Variants in SLC13A2 observed in about 807,000 individuals in gnomAD.
SLC13A2 encodes the protein solute carrier family 13 member 2.
A neutral mutation model predicts 58.5 loss-of-function variants in SLC13A2; 40 were observed. The observed-to-expected ratio is 0.68, with a 90% CI of 0.53 to 0.89. The LOEUF (loss-of-function observed/expected upper bound fraction) is 0.89, where lower values mean the gene tolerates loss of function less well. Ranked by LOEUF, SLC13A2 falls within the 40% of genes least tolerant of loss-of-function variation. The probability of loss-of-function intolerance (pLI) is 0.00; values close to 1 mark genes in which losing one functional copy is unlikely to be tolerated. For missense variants in SLC13A2, 694 were observed against 772.6 expected (o/e 0.90, Z 1.21); for synonymous variants, 341 against 331.6 (o/e 1.03, Z -0.31).
Position 28,493,800 on chromosome 17 carries a change from C to T in SLC13A2, c.1097+11C>T. The T allele has an allele frequency of 1.2e-6, 2 of 1,613,816 alleles. No homozygotes were observed. The highest frequency in any genetic ancestry group is 1.7e-6 in the Non-Finnish European group (2 of 1,179,880). ...TGCCAAGGGGGAGAGGTGAGAGTTG[C>T]AGGGGTTGGGAGGAGGACACATCTG... On this transcript the variant is annotated intron_variant, in intron 7 of 11. Transcript: ENST00000314669.
At chr17:28,493,935 C>T (rs1255108782) in intron 7 of SLC13A2, 82 bp from the exon 8 acceptor site, 10 of 1,490,294 alleles carry the variant, frequency 6.7e-6, no homozygotes, top group Non-Finnish European at 9.3e-6. Flanking sequence ...GGGAGAGGCT[C>T]ATCTCCACCA....
intron 1 of SLC13A2, among the ~76,000 whole-genome samples, chr17:28,481,960 T>G (rs1318814440): frequency 6.6e-6 from 1 of 151,736 alleles, no homozygotes; most frequent in South Asian, 2.1e-4. Context: ...CTTTTCATAT[T>G]TTAATAGCTG....
chr17:28,475,076 C>G (rs1274326787), intron 1 of SLC13A2, among the ~76,000 whole-genome samples: 1 of 152,232 alleles, frequency 6.6e-6, no homozygotes, highest in East Asian at 1.9e-4. Flanking sequence ...AGGGACCCAT[C>G]AGATGGGTTT....
rs782742132 is a variant in SLC13A2 at position 28,496,705 on chromosome 17, C to G, written c.1608+118C>G. On this transcript the variant is annotated intron_variant, in intron 11 of 11. Coordinates refer to ENST00000314669, the MANE Select transcript of SLC13A2 (RefSeq NM_003984.4). The surrounding 1 kb of genome is among the most constrained non-coding windows in gnomAD (Gnocchi z 4.2). Reference sequence around the variant, plus strand: ...GTCTCAGAGTTGAGCGGGTCCTCATCTGGAATGAAGGTGCAGTTGGGGAGG... The same window carrying G: ...GTCTCAGAGTTGAGCGGGTCCTCATGTGGAATGAAGGTGCAGTTGGGGAGG... 7.8e-6 allele frequency: 11 copies of G among 1,402,596 alleles called. No individual in the cohort carries two copies. The highest frequency in any genetic ancestry group is 1.1e-5 in the Non-Finnish European group (11 of 1,043,530). 86.9% of individuals were successfully genotyped at this position (1,402,596 alleles called of 1,614,324 possible). A position where few individuals can be genotyped will look rare whatever the true frequency, so the allele number is the denominator to read the frequency against.
At chr17:28,480,983 G>A (rs2068774314) in intron 1 of SLC13A2, among the ~76,000 whole-genome samples, 1 of 152,148 alleles carries the variant, frequency 6.6e-6, no homozygotes, top group African/African-American at 2.4e-5. Context: ...AGCCTCAAAG[G>A]CCAGGGGGAT....
In SLC13A2 at chr17:28,493,580, G is replaced by T; in HGVS notation, c.888G>T (p.Lys296Asn). The part of the protein sequence containing the change: ...QILFLGFNFR[K>N]NFGIGEKMQE... ...GTCCCTCTGCCTGCAGCTTCCGGAA[G>T]AACTTTGGCATTGGGGAAAAGATGC... is the stretch of plus-strand genomic sequence containing the variant. The change falls in exon 7 of 12, where the codon AAG (lysine) becomes AAT (asparagine). Residue 296 changes from lysine to asparagine, a missense_variant. Transcript: ENST00000314669. 6.2e-7 allele frequency: 1 copy of T among 1,603,776 alleles called. No homozygotes were observed. Among genetic ancestry groups the T allele is most frequent in the Non-Finnish European group, 8.5e-7 (1 of 1,172,148 alleles).
intron 2 of SLC13A2, 39 bp downstream of exon 2, chr17:28,489,381 C>T (rs782663654): frequency 1.3e-6 from 2 of 1,577,630 alleles, no homozygotes; most frequent in East Asian, 2.3e-5. Flanking sequence ...CTGGGCAGTG[C>T]GGGAGGCCAG....
At chr17:28,493,911 C>A in intron 7 of SLC13A2, 106 bp from the exon 8 acceptor site, 1 of 1,474,008 alleles carries the variant, frequency 6.8e-7, no homozygotes, top group Admixed American at 1.7e-5. Flanking sequence ...TGAAGGTTCC[C>A]CAGGCTTGTC....
chr17:28,473,867 T>C, intron 1 of SLC13A2, 53 bp downstream of exon 1: 1 of 1,515,828 alleles, frequency 6.6e-7, no homozygotes, highest in Non-Finnish European at 9.1e-7. Flanking sequence ...GAGGAGGGAC[T>C]GTCTGGGCCG....
chr17:28,496,664 C>T lies in SLC13A2; in HGVS notation c.1608+77C>T. The T allele has an allele frequency of 6.5e-7, 1 of 1,529,122 alleles. No homozygotes were observed. Among genetic ancestry groups the T allele is most frequent in the Non-Finnish European group, 8.8e-7 (1 of 1,130,426 alleles). 94.7% of individuals were successfully genotyped at this position (1,529,122 alleles called of 1,614,324 possible). On this transcript the variant is annotated intron_variant, in intron 11 of 11. Transcript: ENST00000314669. The surrounding 1 kb of genome is among the most constrained non-coding windows in gnomAD (Gnocchi z 4.2). ...TTCATCTTAGTGAACCACAAAGCAGCTTAAAGCCACTGAGAGTCTCAGAGT... is the reference window on the plus strand; with the variant it reads ...TTCATCTTAGTGAACCACAAAGCAGTTTAAAGCCACTGAGAGTCTCAGAGT...
intron 1 of SLC13A2, among the ~76,000 whole-genome samples, chr17:28,484,297 C>A (rs1164298239): frequency 2.0e-5 from 3 of 152,138 alleles, no homozygotes; most frequent in African/African-American, 7.2e-5. Flanking sequence ...TGGAAGCCAG[C>A]CTGAAAAATC....
At chr17:28,484,579 G>A (rs1207682380) in intron 1 of SLC13A2, among the ~76,000 whole-genome samples, 1 of 152,228 alleles carries the variant, frequency 6.6e-6, no homozygotes, top group African/African-American at 2.4e-5. Flanking sequence ...AGATGAGTGT[G>A]TGTGTGTGCT....
intron 1 of SLC13A2, among the ~76,000 whole-genome samples, chr17:28,488,117 A>T (rs1287525169): frequency 6.6e-6 from 1 of 152,152 alleles, no homozygotes. Flanking sequence ...CACAAAAATG[A>T]CAATACTAAG....
chr17:28,490,248 T>A (rs782293830), intron 2 of SLC13A2: 50 of 1,468,156 alleles, frequency 3.4e-5, no homozygotes, highest in Non-Finnish European at 3.6e-5. Context: ...CATTCCAGCC[T>A]GGGCAACAGA....
chr17:28,490,347 G>T (rs782651207), intron 2 of SLC13A2, 107 bp from the exon 3 acceptor site: 2 of 1,613,136 alleles, frequency 1.2e-6, no homozygotes, highest in Non-Finnish European at 1.7e-6. Flanking sequence ...GAGAGCCCAG[G>T]GGAATGCCAG....
rs782615154 is a variant in SLC13A2, at chr17:28,490,800, G to C, written c.468G>C (p.Leu156=). ...AMMVPIAHAV[L]DQLHSSQASS... is the part of the protein sequence containing the mutation. ...TGGTGCCCATCGCACATGCCGTCCTGGACCAGCTGCACAGCTCGCAAGCCA... is the reference window on the plus strand; with the variant it reads ...TGGTGCCCATCGCACATGCCGTCCTCGACCAGCTGCACAGCTCGCAAGCCA... The change falls in exon 4 of 12, where the codon CTG becomes CTC. Residue 156 remains leucine (L), a synonymous_variant. Coordinates refer to ENST00000314669, the MANE Select transcript of SLC13A2 (RefSeq NM_003984.4). The C allele has an allele frequency of 6.2e-7, 1 of 1,614,146 alleles. No homozygotes were observed. The highest frequency in any genetic ancestry group is 8.5e-7 in the Non-Finnish European group (1 of 1,180,044).
At chr17:28,479,785 C>T (rs1389989180) in intron 1 of SLC13A2, among the ~76,000 whole-genome samples, 2 of 152,012 alleles carry the variant, frequency 1.3e-5, no homozygotes, top group African/African-American at 4.8e-5. Flanking sequence ...TTTGGGAGGC[C>T]AGTGCAGGAG....
chr17:28,496,407 T>C lies in SLC13A2; in HGVS notation c.1471-43T>C. On this transcript the variant is annotated intron_variant, in intron 10 of 11. Coordinates refer to ENST00000314669, the MANE Select transcript of SLC13A2 (RefSeq NM_003984.4). This position sits in a 1 kb window ranked among gnomAD's most constrained non-coding sequence, Gnocchi z 4.2. ...TGGGGGCCATGCCCCTCCCTCTGGC[T>C]TGGGGACCAAGTTCAGCTCTGCGCC... 6.4e-7 allele frequency: 1 copy of C among 1,557,486 alleles called. No homozygotes were observed. The highest frequency in any genetic ancestry group is 8.7e-7 in the Non-Finnish European group (1 of 1,147,280).
intron 1 of SLC13A2, among the ~76,000 whole-genome samples, chr17:28,475,286 C>T (rs2068651732): frequency 6.6e-6 from 1 of 152,170 alleles, no homozygotes; most frequent in African/African-American, 2.4e-5. Flanking sequence ...CCCCTGTCTT[C>T]TGTGCACCGT....
Sources: allele counts gnomAD v4.1 joint callset (sites outside exome capture counted in the v4.1 genomes callset), GRCh38; gene constraint gnomAD v4.1.1; non-coding constraint Gnocchi (gnomAD v3.1); transcripts MANE v1.5; gene names NCBI Gene and HGNC (gene_info 2026-07-23, HGNC 2026-07-21).